Variants in TPRX1 observed in about 807,000 individuals in gnomAD.
TPRX1 encodes tetrapeptide repeat homeobox 1.
Under a neutral mutation model 8.1 loss-of-function variants are expected in TPRX1, and 2 were observed. The ratio of observed to expected loss-of-function variants is 0.25; its 90% confidence interval spans 0.10 to 0.78. The LOEUF (loss-of-function observed/expected upper bound fraction) is 0.78, where lower values mean the gene tolerates loss of function less well. TPRX1 is among the 30% of genes least tolerant of loss of function. The pLI is 0.70. For missense variants in TPRX1, 517 were observed against 586.9 expected, an observed-to-expected ratio of 0.88 and a Z score of 1.23; for synonymous variants, 257 against 254.1, an observed-to-expected ratio of 1.01 and a Z score of -0.11.
intron 2 of TPRX1, among the ~76,000 whole-genome samples, chr19:47,814,777 G>T (rs951516508): frequency 6.6e-6 from 1 of 152,138 alleles, no homozygotes; most frequent in African/African-American, 2.4e-5. Flanking sequence ...ACATGAAAAA[G>T]AATTTGATAC....
At chr19:47,808,345 C>T (rs1967753255) in intron 2 of TPRX1, among the ~76,000 whole-genome samples, 1 of 151,950 alleles carries the variant, frequency 6.6e-6, no homozygotes, top group Admixed American at 6.6e-5. Flanking sequence ...GAACTCCTGA[C>T]CTCAGGTGAT....
intron 2 of TPRX1, among the ~76,000 whole-genome samples, chr19:47,811,358 A>T (rs1482703490): frequency 1.3e-5 from 2 of 151,882 alleles, no homozygotes; most frequent in Non-Finnish European, 2.9e-5. Flanking sequence ...AGGTGTCTTT[A>T]AACCGAAACA....
chr19:47,803,818 C>A, intron 2 of TPRX1, 145 bp from the exon 2 acceptor site: 5 of 483,530 alleles, frequency 1.0e-5, no homozygotes, highest in South Asian at 8.1e-5. Context: ...CCAGACCAGA[C>A]CTTGCACCTC....
At chr19:47,810,297 T>C (rs1275396307) in intron 2 of TPRX1, among the ~76,000 whole-genome samples, 5 of 147,860 alleles carry the variant, frequency 3.4e-5, no homozygotes, top group Non-Finnish European at 6.0e-5. Context: ...TCTTATTTGA[T>C]TCCTTCAGAA....
chr19:47,807,272 G>A (rs562138047), intron 2 of TPRX1, among the ~76,000 whole-genome samples: 40 of 152,000 alleles, frequency 2.6e-4, no homozygotes, highest in Non-Finnish European at 5.7e-4. Flanking sequence ...GCCCAGTCTC[G>A]TCTCGAACTC....
In TPRX1 at chr19:47,818,507, G is replaced by T. The variant is rs1483099750; in HGVS notation, c.112C>A (p.Leu38Met). Residue 38 changes from leucine (L) to methionine (M), a missense_variant, in exon 2 of 4, where the codon CTG (leucine) becomes ATG (methionine). Leu to Met is a conservative substitution (Grantham distance 15). Coordinates refer to ENST00000535759, the Ensembl canonical transcript of TPRX1. ...GACAGTCCTAGGTACTGGGAATACA[G>T]CTGAGAACAAGACAGACAGGGCCCC... 9 of 456,088 alleles carry T rather than the reference G, an allele frequency of 2.0e-5. No individual in the cohort carries two copies. The East Asian group carries it at 6.2e-4, about 32-fold the overall frequency. The allele number at this position is 456,088 out of a possible 1,614,324, so 28.3% of individuals were successfully genotyped here. A position where few individuals can be genotyped will look rare whatever the true frequency, so the allele number is the denominator to read the frequency against.
chr19:47,815,644 T>TCCAAA (rs2123721056), intron 2 of TPRX1, among the ~76,000 whole-genome samples: 1 of 21,030 alleles, frequency 4.8e-5, no homozygotes, highest in East Asian at 5.3e-4. Flanking sequence ...CCCCCGTCTC[T>TCCAAA]ACAAAAAAAA....
At chr19:47,810,344 A>ATTTTTTT in intron 2 of TPRX1, among the ~76,000 whole-genome samples, 1 of 93,346 alleles carries the variant, frequency 1.1e-5, no homozygotes. Flanking sequence ...TTATCCATCA[A>ATTTTTTT]TTTTTTTTTT....
intron 2 of TPRX1, among the ~76,000 whole-genome samples, chr19:47,814,499 T>C (rs992917064): frequency 6.6e-6 from 1 of 152,114 alleles, no homozygotes; most frequent in African/African-American, 2.4e-5. Context: ...TCTTAAAAAA[T>C]AAGAATAAAG....
chr19:47,813,825 T>C (rs1967806867), intron 2 of TPRX1, among the ~76,000 whole-genome samples: 1 of 151,822 alleles, frequency 6.6e-6, no homozygotes, highest in African/African-American at 2.4e-5. Flanking sequence ...TTGGAACATT[T>C]GCTAAATGGG....
chr19:47,815,646 C>CAGA (rs1555800087), intron 2 of TPRX1, among the ~76,000 whole-genome samples: 1 of 60,280 alleles, frequency 1.7e-5, no homozygotes, highest in Non-Finnish European at 2.9e-5. Flanking sequence ...CCCGTCTCTA[C>CAGA]AAAAAAAAAA....
At chr19:47,810,902 T>C (rs544706004) in intron 2 of TPRX1, among the ~76,000 whole-genome samples, 2 of 151,152 alleles carry the variant, frequency 1.3e-5, no homozygotes, top group East Asian at 3.9e-4. Flanking sequence ...TGGCCTTTGC[T>C]TTCTAGAATC....
At chr19:47,816,632 A>C (rs1181480274) in intron 2 of TPRX1, among the ~76,000 whole-genome samples, 1 of 148,868 alleles carries the variant, frequency 6.7e-6, no homozygotes, top group African/African-American at 2.5e-5. Flanking sequence ...TCCCAGGTTC[A>C]TGCCATTCTC....
At chr19:47,809,979 A>G (rs6509340) in intron 2 of TPRX1, among the ~76,000 whole-genome samples, 97,107 of 151,718 alleles carry the variant, frequency 0.64, 32,736 homozygotes, top group African/African-American at 0.85. Context: ...TCTTGGCCAG[A>G]CGCAATGACT....
chr19:47,815,141 TATGCAAATATATATA>T (rs1967825253), intron 2 of TPRX1, among the ~76,000 whole-genome samples: 11 of 103,412 alleles, frequency 1.1e-4, no homozygotes, highest in Admixed American at 5.4e-4. Flanking sequence ...TATATATATA[TATGCAAATATATATA>T]TATATATTTT....
At chr19:47,802,936 C>T (rs369852848) in exon 4 of TPRX1, 18,705 of 1,551,102 alleles carry the variant, frequency 0.012, 159 homozygotes, top group Non-Finnish European at 0.013. Context: ...GCTGCTGGAG[C>T]CGCCGCTCCC....
chr19:47,802,126 G>A (rs1967671277), exon 4 of TPRX1: 1 of 1,585,064 alleles, frequency 6.3e-7, no homozygotes, highest in Non-Finnish European at 8.6e-7. Flanking sequence ...GTGAGCCAGG[G>A]CTTCGCATCC....
At chr19:47,817,450 G>A (rs139357609) in intron 2 of TPRX1, among the ~76,000 whole-genome samples, 159 of 152,324 alleles carry the variant, frequency 1.0e-3, no homozygotes, top group African/African-American at 2.8e-3. Flanking sequence ...TGATCACCAG[G>A]TGATATGGCC....
chr19:47,817,617 G>C (rs902071729), intron 2 of TPRX1, among the ~76,000 whole-genome samples: 1 of 152,162 alleles, frequency 6.6e-6, no homozygotes, highest in African/African-American at 2.4e-5. Context: ...CCCGAGCCCC[G>C]CTCTTCACCC....
Sources: gnomAD v4.1 joint callset for allele counts (sites outside exome capture counted in the v4.1 genomes callset) on GRCh38, gnomAD v4.1.1 for gene constraint, MANE v1.5 for transcripts, NCBI Gene and HGNC (gene_info 2026-07-23, HGNC 2026-07-21) for gene names.